AGBL4: variants seen among roughly 807,000 people sequenced by gnomAD.
AGBL4 encodes the protein cytosolic carboxypeptidase 6.
AGBL4 carries 58 observed loss-of-function variants against 66.4 expected under a neutral mutation model. The ratio of observed to expected loss-of-function variants is 0.87; its 90% CI spans 0.71 to 1.09. The LOEUF is 1.09. Among genes scored for constraint, AGBL4 ranks in the 50% least tolerant of loss-of-function variants. The pLI is 0.00. For synonymous variants in AGBL4, 234 were observed against 222.9 expected (o/e 1.05, Z -0.44); for missense variants, 579 against 631.0 (o/e 0.92, Z 0.88).
intron 4 of AGBL4, among the ~76,000 whole-genome samples, chr1:49,132,509 T>C (rs1324129690): frequency 6.6e-6 from 1 of 152,136 alleles, no homozygotes; most frequent in Non-Finnish European, 1.5e-5. Context: ...AGTCATTTGA[T>C]TTGAGATTGG....
At chr1:49,817,472 A>G (rs1645260611) in intron 2 of AGBL4, among the ~76,000 whole-genome samples, 1 of 152,162 alleles carries the variant, frequency 6.6e-6, no homozygotes. Context: ...CTTCTTTAAG[A>G]TTTTAGGGGT....
At chr1:49,318,773 C>T (rs760717398) in intron 3 of AGBL4, among the ~76,000 whole-genome samples, 20 of 152,122 alleles carry the variant, frequency 1.3e-4, no homozygotes, top group Non-Finnish European at 2.6e-4. Context: ...ACTATAGGGC[C>T]ACTCTCTTAT....
chr1:49,640,732 G>A (rs1466808858), intron 3 of AGBL4, among the ~76,000 whole-genome samples: 1 of 152,042 alleles, frequency 6.6e-6, no homozygotes, highest in African/African-American at 2.4e-5. Context: ...TTTTTATACT[G>A]GGAAAGGAAA....
chr1:48,577,773 G>A (rs1395255191), intron 11 of AGBL4, among the ~76,000 whole-genome samples: 3 of 152,128 alleles, frequency 2.0e-5, no homozygotes, highest in Non-Finnish European at 2.9e-5. Context: ...AACTAGGGAC[G>A]CTGATCAGAG....
chr1:48,776,811 G>A (rs567114347), intron 6 of AGBL4: 1 of 1,521,822 alleles, frequency 6.6e-7, no homozygotes, highest in South Asian at 1.2e-5. Context: ...TGTCCTCCAG[G>A]AACCGCACAA....
intron 11 of AGBL4, among the ~76,000 whole-genome samples, chr1:48,568,554 G>C (rs1644511516): frequency 2.0e-5 from 3 of 152,186 alleles, no homozygotes; most frequent in African/African-American, 4.8e-5. Context: ...ATCTGAGTTA[G>C]TTCCATTAGT....
chr1:49,031,594 G>A (rs1048773017), intron 5 of AGBL4, among the ~76,000 whole-genome samples: 6 of 152,054 alleles, frequency 3.9e-5, no homozygotes, highest in African/African-American at 1.2e-4. Context: ...AATGGGCAAA[G>A]GATCTGAATA....
chr1:49,058,836 T>C (rs115959940), intron 4 of AGBL4, among the ~76,000 whole-genome samples: 4,347 of 152,294 alleles, frequency 0.029, 223 homozygotes, highest in African/African-American at 0.099. Flanking sequence ...GCAACTCTTG[T>C]TATGCAAAGA....
rs1042517342 is a variant in AGBL4, at chr1:49,679,694, A to G, written c.282+17619T>C. The stretch of plus-strand genomic sequence containing the variant: ...TAACTGAACTTTTCTTCTTTTTAGA[A>G]TTCTGTTTTTGAATTATTCATAGTG... On this transcript the variant is annotated intron_variant, in intron 3 of 13. Transcript: ENST00000371839. Among the ~76,000 whole-genome samples, 80 of 151,966 alleles carry G rather than the reference A, an allele frequency of 5.3e-4. 1 individual carries two copies. Among genetic ancestry groups the G allele is most frequent in the African/African-American group, 1.9e-3 (78 of 41,368 alleles).
intron 11 of AGBL4, among the ~76,000 whole-genome samples, chr1:48,542,976 A>T (rs1410896826): frequency 1.3e-5 from 2 of 152,154 alleles, no homozygotes; most frequent in Non-Finnish European, 2.9e-5. Context: ...TAACCCAATG[A>T]AGTAGGTATA....
chr1:49,304,954 C>T (rs986482929), intron 3 of AGBL4, among the ~76,000 whole-genome samples: 2 of 152,112 alleles, frequency 1.3e-5, no homozygotes, highest in Non-Finnish European at 2.9e-5. Context: ...ATCTGCTGAA[C>T]ATTTTCTATG....
intron 3 of AGBL4, among the ~76,000 whole-genome samples, chr1:49,487,350 T>A (rs548931203): frequency 6.6e-6 from 1 of 152,032 alleles, no homozygotes; most frequent in Non-Finnish European, 1.5e-5. Flanking sequence ...GTCTGAGAAG[T>A]TTTGCTCTGT....
intron 3 of AGBL4, among the ~76,000 whole-genome samples, chr1:49,598,085 G>A (rs1644884143): frequency 6.6e-6 from 1 of 152,166 alleles, no homozygotes; most frequent in Non-Finnish European, 1.5e-5. Context: ...GGGCATCCTT[G>A]TCTTGTGCTG....
intron 6 of AGBL4, among the ~76,000 whole-genome samples, chr1:48,731,376 T>C (rs1453325887): frequency 6.6e-6 from 1 of 152,238 alleles, no homozygotes; most frequent in African/African-American, 2.4e-5. Flanking sequence ...ATCAGATGTA[T>C]GGCCTTGGGC....
intron 2 of AGBL4, chr1:49,845,499 G>GT: frequency 1.3e-6 from 2 of 1,575,942 alleles, no homozygotes; most frequent in East Asian, 4.5e-5. Flanking sequence ...AACCCTATCA[G>GT]TGTGGTGAGT....
At chr1:49,844,160 T>C (rs535854768) in intron 2 of AGBL4, among the ~76,000 whole-genome samples, 1 of 152,330 alleles carries the variant, frequency 6.6e-6, no homozygotes, top group African/African-American at 2.4e-5. Context: ...GGGAAGCAGA[T>C]AGGCTCCTTT....
intron 3 of AGBL4, among the ~76,000 whole-genome samples, chr1:49,477,666 T>C (rs866332598): frequency 6.6e-6 from 1 of 152,014 alleles, no homozygotes; most frequent in African/African-American, 2.4e-5. Flanking sequence ...TGAAGAAATC[T>C]ACTAGCATCA....
At chr1:49,715,726 T>C (rs1297572141) in intron 2 of AGBL4, among the ~76,000 whole-genome samples, 1 of 152,222 alleles carries the variant, frequency 6.6e-6, no homozygotes, top group Non-Finnish European at 1.5e-5. Context: ...TGAGCCTTTT[T>C]TCATATATTT....
intron 6 of AGBL4, among the ~76,000 whole-genome samples, chr1:48,721,943 AC>A (rs1482923425): frequency 1.3e-5 from 2 of 152,224 alleles, no homozygotes; most frequent in Non-Finnish European, 2.9e-5. Context: ...ACAGCAGTGA[AC>A]AAAACAGAAA....
Sources: gnomAD v4.1 joint callset for allele counts (sites outside exome capture counted in the v4.1 genomes callset) on GRCh38, gnomAD v4.1.1 for gene constraint, MANE v1.5 for transcripts, NCBI Gene and HGNC (gene_info 2026-07-23, HGNC 2026-07-21) for gene names.